PTPRN2: variants seen among roughly 807,000 people sequenced by gnomAD.
PTPRN2 encodes receptor-type tyrosine-protein phosphatase N2.
A neutral mutation model predicts 118.8 loss-of-function variants in PTPRN2; 74 were observed. The observed-to-expected ratio is 0.62, with a 90% CI of 0.52 to 0.76. PTPRN2 has a LOEUF of 0.76. PTPRN2 is among the 30% of genes least tolerant of loss of function. The pLI, the probability that PTPRN2 is intolerant of heterozygous loss-of-function variation, is 0.00. For synonymous variants in PTPRN2, 641 were observed against 608.0 expected, an observed-to-expected ratio of 1.05 and a Z score of -0.80; for missense variants, 1,481 against 1,394.4, an observed-to-expected ratio of 1.06 and a Z score of -0.99.
chr7:157,642,908 C>T (rs1638019), intron 14 of PTPRN2, among the ~76,000 whole-genome samples: 1 of 151,076 alleles, frequency 6.6e-6, no homozygotes, highest in South Asian at 2.1e-4. Context: ...GCCCCGGCAG[C>T]CAAAGGCCAA....
At chr7:157,817,725 G>A (rs114621603) in intron 12 of PTPRN2, among the ~76,000 whole-genome samples, 1,666 of 152,344 alleles carry the variant, frequency 0.011, 35 homozygotes, top group African/African-American at 0.035. Flanking sequence ...GGGTGTGTCC[G>A]TGTGGCCTGT....
chr7:158,160,976 T>C (rs778672576), intron 6 of PTPRN2, among the ~76,000 whole-genome samples: 7 of 152,226 alleles, frequency 4.6e-5, no homozygotes, highest in Non-Finnish European at 7.3e-5. Context: ...TTTTCCAGAA[T>C]TACATTTTTG....
intron 12 of PTPRN2, among the ~76,000 whole-genome samples, chr7:157,872,353 A>G (rs867271549): frequency 1.1e-4 from 4 of 36,984 alleles, no homozygotes; most frequent in African/African-American, 1.1e-4. Context: ...CCCCCCACAC[A>G]CATACCCAGT....
intron 14 of PTPRN2, among the ~76,000 whole-genome samples, chr7:157,645,211 G>T (rs956166091): frequency 1.3e-5 from 2 of 152,234 alleles, no homozygotes; most frequent in African/African-American, 4.8e-5. Context: ...CATGAGGACT[G>T]TGTCCAAAAC....
intron 11 of PTPRN2, 60 bp downstream of exon 11, chr7:158,081,238 G>C: frequency 1.4e-6 from 2 of 1,462,248 alleles, no homozygotes; most frequent in Non-Finnish European, 1.9e-6. Flanking sequence ...GCGTGTTTGC[G>C]TGCGTGTGTG....
intron 3 of PTPRN2, among the ~76,000 whole-genome samples, chr7:158,272,337 C>A (rs897759702): frequency 6.6e-6 from 1 of 152,324 alleles, no homozygotes; most frequent in African/African-American, 2.4e-5. Context: ...CCGGTACCAA[C>A]GGTCAAGGAT....
intron 1 of PTPRN2, among the ~76,000 whole-genome samples, chr7:158,549,394 G>A (rs948163615): frequency 1.2e-4 from 18 of 152,168 alleles, no homozygotes; most frequent in African/African-American, 3.6e-4. Context: ...GGCAGACACC[G>A]GTCCCCCAGT....
chr7:158,168,290 G>C (rs1823211728), intron 5 of PTPRN2, among the ~76,000 whole-genome samples: 1 of 152,212 alleles, frequency 6.6e-6, no homozygotes, highest in African/African-American at 2.4e-5. Flanking sequence ...AAGGTCCTTT[G>C]CACGGCAGCT....
chr7:158,180,706 C>T (rs1236767683), intron 5 of PTPRN2, among the ~76,000 whole-genome samples: 1 of 152,176 alleles, frequency 6.6e-6, no homozygotes, highest in African/African-American at 2.4e-5. Flanking sequence ...CTGAAGCCCT[C>T]GTACAGGGGA....
chr7:158,576,647 G>A (rs1416494418), intron 1 of PTPRN2, among the ~76,000 whole-genome samples: 1 of 152,244 alleles, frequency 6.6e-6, no homozygotes, highest in Non-Finnish European at 1.5e-5. Flanking sequence ...GACAGCCAGT[G>A]GTCAAGACAG....
intron 6 of PTPRN2, among the ~76,000 whole-genome samples, chr7:158,143,676 G>C (rs1298965015): frequency 6.6e-6 from 1 of 152,182 alleles, no homozygotes; most frequent in Non-Finnish European, 1.5e-5. Context: ...GAGGGCCCCA[G>C]AGTAACGACC....
chr7:158,076,928 C>T (rs763458587), intron 11 of PTPRN2, among the ~76,000 whole-genome samples: 21 of 152,348 alleles, frequency 1.4e-4, no homozygotes, highest in East Asian at 9.7e-4. Context: ...AGAATCCGCA[C>T]GGAGCGGACC....
chr7:158,320,790 G>C (rs1049267133), intron 2 of PTPRN2, among the ~76,000 whole-genome samples: 18 of 152,172 alleles, frequency 1.2e-4, no homozygotes, highest in African/African-American at 4.3e-4. Context: ...AGATGATTGT[G>C]ACCAGAAGGA....
At chr7:157,786,362 T>A (rs184903482) in intron 12 of PTPRN2, among the ~76,000 whole-genome samples, 1 of 152,372 alleles carries the variant, frequency 6.6e-6, no homozygotes, top group East Asian at 1.9e-4. Context: ...TTATAAAGTT[T>A]AAGGACCATG....
At position 158,440,823 on chromosome 7, in the gene PTPRN2, G is replaced by A. The variant is rs575600162; in HGVS notation, c.163+48912C>T. ...TAGTGGTGATGGTGGTAGTAGTAGT[G>A]GTGGTGGTGGTGATGGCAGTGACGG... On this transcript the variant is annotated intron_variant, in intron 2 of 22. Coordinates refer to ENST00000389418, the MANE Select transcript of PTPRN2 (RefSeq NM_002847.5). Among the ~76,000 whole-genome samples, 157 of 116,384 alleles carry A rather than the reference G, an allele frequency of 1.3e-3. 4 individuals are homozygous for A. The East Asian group carries it at 0.03, about 22-fold the overall frequency. 76.4% of individuals were successfully genotyped at this position (116,384 alleles called of 152,430 possible). A position where few individuals can be genotyped will look rare whatever the true frequency, so the allele number is the denominator to read the frequency against.
intron 11 of PTPRN2, among the ~76,000 whole-genome samples, chr7:157,940,191 ATGG>A (rs1265226633): frequency 1.3e-5 from 2 of 152,114 alleles, no homozygotes; most frequent in African/African-American, 4.8e-5. Context: ...TCTGTCAGCG[ATGG>A]TGGTGTTCAG....
At chr7:158,488,784 G>A (rs1031917905) in intron 2 of PTPRN2, among the ~76,000 whole-genome samples, 2 of 152,286 alleles carry the variant, frequency 1.3e-5, no homozygotes, top group Non-Finnish European at 2.9e-5. Flanking sequence ...CACAGTCTGA[G>A]GACAGATGCG....
intron 1 of PTPRN2, among the ~76,000 whole-genome samples, chr7:158,573,270 G>A (rs887847788): frequency 6.6e-6 from 1 of 152,216 alleles, no homozygotes; most frequent in African/African-American, 2.4e-5. Flanking sequence ...GATGGGAAAG[G>A]GAATCTGCTT....
chr7:157,592,536 C>T (rs113146831), intron 17 of PTPRN2, among the ~76,000 whole-genome samples: 63 of 127,700 alleles, frequency 4.9e-4, no homozygotes, highest in Middle Eastern at 0.011. Context: ...TGAGTGTGGA[C>T]GCCGAGAGGC....
Sources: gnomAD v4.1 joint callset for allele counts (sites outside exome capture counted in the v4.1 genomes callset) on GRCh38, gnomAD v4.1.1 for gene constraint, MANE v1.5 for transcripts, NCBI Gene and HGNC (gene_info 2026-07-23, HGNC 2026-07-21) for gene names.